FOCAD: variants seen among roughly 807,000 people sequenced by gnomAD.
The protein encoded by FOCAD is focadhesin.
In FOCAD, 198 loss-of-function variants were observed where a neutral mutation model predicts 225.6. The observed-to-expected ratio is 0.88, with a 90% CI of 0.78 to 0.99. The LOEUF (loss-of-function observed/expected upper bound fraction) is 0.99, where lower values mean the gene tolerates loss of function less well. FOCAD is among the 50% of genes least tolerant of loss of function. The pLI, the probability that FOCAD is intolerant of heterozygous loss-of-function variation, is 0.00. For synonymous variants in FOCAD, 897 were observed against 755.0 expected (o/e 1.19, Z -3.08); for missense variants, 2,713 against 2,123.6 (o/e 1.28, Z -5.46).
At chr9:20,848,462 G>A (rs1462025517) in intron 15 of FOCAD, among the ~76,000 whole-genome samples, 1 of 151,898 alleles carries the variant, frequency 6.6e-6, no homozygotes, top group Non-Finnish European at 1.5e-5. Context: ...AATATTTTTA[G>A]ATTTTATTGC....
chr9:20,847,768 G>GA, intron 15 of FOCAD, among the ~76,000 whole-genome samples: 1 of 152,074 alleles, frequency 6.6e-6, no homozygotes, highest in South Asian at 2.1e-4. Context: ...TGAGTGAATA[G>GA]AAAAAACATA....
chr9:20,656,891 G>T (rs1338519368), upstream of FOCAD, among the ~76,000 whole-genome samples: 2 of 151,884 alleles, frequency 1.3e-5, no homozygotes, highest in Admixed American at 1.3e-4. Context: ...TTTATATTTT[G>T]GCATGATTTT....
intron 5 of FOCAD, among the ~76,000 whole-genome samples, chr9:20,748,038 T>G (rs927390683): frequency 6.6e-6 from 1 of 152,010 alleles, no homozygotes; most frequent in Non-Finnish European, 1.5e-5. Flanking sequence ...ATTGTCAAAG[T>G]GAGCATTTTG....
At chr9:20,960,646 A>G (rs1373570672) in intron 35 of FOCAD, among the ~76,000 whole-genome samples, 1 of 152,022 alleles carries the variant, frequency 6.6e-6, no homozygotes, top group African/African-American at 2.4e-5. Context: ...CAGGTTTGTT[A>G]CATATGTATA....
intron 28 of FOCAD, among the ~76,000 whole-genome samples, chr9:20,936,835 T>C (rs1340267573): frequency 6.6e-6 from 1 of 152,214 alleles, no homozygotes; most frequent in African/African-American, 2.4e-5. Flanking sequence ...AACCCCATCG[T>C]GTCAGCCCAA....
chr9:20,674,002 A>C (rs993127803), intron 2 of FOCAD, among the ~76,000 whole-genome samples: 2 of 152,250 alleles, frequency 1.3e-5, no homozygotes, highest in Non-Finnish European at 2.9e-5. Flanking sequence ...GGCTAAATCA[A>C]GACCTTATGC....
At chr9:20,812,322 G>T (rs1008423085) in intron 11 of FOCAD, among the ~76,000 whole-genome samples, 6 of 151,016 alleles carry the variant, frequency 4.0e-5, no homozygotes, top group Admixed American at 4.0e-4. Flanking sequence ...TTTTAAAAAG[G>T]AATAGTTATA....
At chr9:20,831,771 A>G (rs1825515644) in intron 15 of FOCAD, among the ~76,000 whole-genome samples, 1 of 152,094 alleles carries the variant, frequency 6.6e-6, no homozygotes, top group Non-Finnish European at 1.5e-5. Context: ...TTTTGAATAG[A>G]GTTTTGAAAA....
chr9:20,832,274 G>A (rs1193472505), intron 15 of FOCAD, among the ~76,000 whole-genome samples: 1 of 151,998 alleles, frequency 6.6e-6, no homozygotes, highest in African/African-American at 2.4e-5. Context: ...GTTTTCCAGA[G>A]TAGCAGTTCT....
intron 24 of FOCAD, among the ~76,000 whole-genome samples, chr9:20,920,663 G>T (rs1206642488): frequency 6.6e-6 from 1 of 151,176 alleles, no homozygotes; most frequent in Non-Finnish European, 1.5e-5. Flanking sequence ...GTCCTTTGTA[G>T]GGACATGGAT....
At chr9:20,695,336 C>G (rs1227723309) in intron 1 of FOCAD, among the ~76,000 whole-genome samples, 2 of 152,104 alleles carry the variant, frequency 1.3e-5, no homozygotes, top group Admixed American at 6.5e-5. Context: ...CCTGATCCCT[C>G]TAATATAAAG....
At chr9:20,969,185 A>G (rs889445707) in intron 35 of FOCAD, among the ~76,000 whole-genome samples, 9 of 152,242 alleles carry the variant, frequency 5.9e-5, no homozygotes, top group South Asian at 2.1e-4. Flanking sequence ...TTGTGGTCTG[A>G]CATGTGGTAA....
At chr9:20,697,030 C>T (rs1823428058) in intron 1 of FOCAD, among the ~76,000 whole-genome samples, 3 of 152,076 alleles carry the variant, frequency 2.0e-5, no homozygotes, top group Admixed American at 1.3e-4. Context: ...TTCCTGGCTT[C>T]CAGAACTGTG....
chr9:20,759,704 G>T (rs979832496), intron 6 of FOCAD, among the ~76,000 whole-genome samples: 1 of 152,032 alleles, frequency 6.6e-6, no homozygotes, highest in African/African-American at 2.4e-5. Context: ...AAGAGTAAAA[G>T]AAAAAAATCT....
At chr9:20,917,421 A>G (rs973612049) in intron 24 of FOCAD, among the ~76,000 whole-genome samples, 3 of 152,188 alleles carry the variant, frequency 2.0e-5, no homozygotes, top group African/African-American at 7.2e-5. Context: ...TCATATGCTT[A>G]TGGTTGTTTT....
intron 2 of FOCAD, among the ~76,000 whole-genome samples, chr9:20,661,610 A>G (rs955813323): frequency 3.3e-5 from 5 of 152,134 alleles, no homozygotes; most frequent in Non-Finnish European, 7.3e-5. Context: ...CTCTCTTCCT[A>G]CTGTTTTACA....
chr9:20,836,722 A>C (rs1240506841), intron 15 of FOCAD, among the ~76,000 whole-genome samples: 1 of 152,058 alleles, frequency 6.6e-6, no homozygotes, highest in Non-Finnish European at 1.5e-5. Flanking sequence ...TAGATTTTTA[A>C]GTATGGTTTT....
chr9:20,843,230 C>T (rs74612889), intron 15 of FOCAD, among the ~76,000 whole-genome samples: 67 of 152,128 alleles, frequency 4.4e-4, no homozygotes, highest in African/African-American at 1.6e-3. Context: ...TTTCCAAATG[C>T]TCTCTAACAT....
In FOCAD at chr9:20,740,217, A is replaced by G; in HGVS notation, c.288-19A>G. ...TCACTTTTTATCTATAACATTTAAC[A>G]TGCTATATTTCTTTGCAGAAATACA... On this transcript the variant is annotated intron_variant, in intron 4 of 43. Coordinates refer to ENST00000338382, the MANE Select transcript of FOCAD (RefSeq NM_001375567.1). The G allele has an allele frequency of 2.1e-6, 3 of 1,420,756 alleles. No homozygotes were observed. Among genetic ancestry groups the G allele is most frequent in the Non-Finnish European group, 2.0e-6 (2 of 1,013,710 alleles). 88.0% of individuals were successfully genotyped at this position (1,420,756 alleles called of 1,614,324 possible).
Sources: gnomAD v4.1 joint callset for allele counts (sites outside exome capture counted in the v4.1 genomes callset) on GRCh38, gnomAD v4.1.1 for gene constraint, MANE v1.5 for transcripts, NCBI Gene and HGNC (gene_info 2026-07-23, HGNC 2026-07-21) for gene names.